SIRT2: variants seen among roughly 807,000 people sequenced by gnomAD.
SIRT2 encodes NAD-dependent protein deacetylase sirtuin-2.
A neutral mutation model predicts 57.4 loss-of-function variants in SIRT2; 40 were observed. The ratio of observed to expected loss-of-function variants is 0.70; its 90% CI spans 0.54 to 0.91. The LOEUF is 0.91. Among genes scored for constraint, SIRT2 ranks in the 40% least tolerant of loss-of-function variants. The pLI is 0.00. For missense variants in SIRT2, 439 were observed against 510.4 expected (o/e 0.86, Z 1.35); for synonymous variants, 161 against 195.7 (o/e 0.82, Z 1.48).
chr19:38,890,196 G>A (rs761988987), intron 4 of SIRT2, 52 bp from the exon 5 acceptor site: 3 of 1,584,784 alleles, frequency 1.9e-6, no homozygotes, highest in South Asian at 1.1e-5. Context: ...CAGTCCCTAC[G>A]ATAGCACCAC....
intron 8 of SIRT2, among the ~76,000 whole-genome samples, chr19:38,884,965 G>A (rs1483846495): frequency 6.6e-6 from 1 of 152,080 alleles, no homozygotes; most frequent in Non-Finnish European, 1.5e-5. Flanking sequence ...CTCCCAATGT[G>A]CTGGGATTAC....
At position 38,879,509 on chromosome 19, in the gene SIRT2, C is replaced by T; in HGVS notation, c.948-9G>A. 1 of 1,601,558 alleles carries T rather than the reference C, an allele frequency of 6.2e-7. No homozygotes were observed. The highest frequency in any genetic ancestry group is 8.5e-7 in the Non-Finnish European group (1 of 1,173,996). Reference sequence around the variant, plus strand: ...CCAGCCAGGCCACGTCCCTGCGGTGCAGCAGGAGATCAGAGTTCCCAGGCG... The same window carrying T: ...CCAGCCAGGCCACGTCCCTGCGGTGTAGCAGGAGATCAGAGTTCCCAGGCG... On this transcript the variant is annotated splice_polypyrimidine_tract_variant and intron_variant, in intron 14 of 15. Transcript: ENST00000249396.
chr19:38,881,255 G>T, intron 10 of SIRT2, 100 bp from the exon 11 acceptor site: 7 of 1,281,900 alleles, frequency 5.5e-6, no homozygotes, highest in South Asian at 1.3e-5. Context: ...TGGGAGTTGG[G>T]AGCAGTGGGG....
At chr19:38,888,965 C>A in intron 8 of SIRT2, 122 bp downstream of exon 8, 1 of 836,896 alleles carries the variant, frequency 1.2e-6, no homozygotes, top group East Asian at 2.5e-5. Context: ...AGGCCAAGCC[C>A]TGGCCCCGCA....
rs888145944 is a variant in SIRT2, at chr19:38,879,173, C to T, written c.1152G>A (p.Glu384=). 5 of 1,576,298 alleles carry T rather than the reference C, an allele frequency of 3.2e-6. No individual in the cohort carries two copies. The highest frequency in any genetic ancestry group is 4.3e-6 in the Non-Finnish European group (5 of 1,168,146). ...GCAGCTGTCACTGGGGTTTCTCCCT[C>T]TCTGTTGTCCTGGCCTCGTCCTTGG... ...PPAKDEARTT[E]REKPQ The change falls in exon 16 of 16, where the codon GAG becomes GAA. Residue 384 remains glutamate (E), a synonymous_variant. Transcript: ENST00000249396.
chr19:38,879,986 C>T (rs1045611914), intron 13 of SIRT2: 3 of 408,960 alleles, frequency 7.3e-6, no homozygotes, highest in Admixed American at 3.9e-5. Flanking sequence ...GCACCATGCC[C>T]GGCTAATTTT....
intron 8 of SIRT2, 141 bp downstream of exon 8, chr19:38,888,946 G>T (rs1973429382): frequency 2.9e-6 from 2 of 696,700 alleles, no homozygotes; most frequent in South Asian, 3.4e-5. Context: ...CATGCAGCAA[G>T]GAGGCAGTAG....
chr19:38,881,051 C>T (rs753566297), intron 11 of SIRT2, 49 bp downstream of exon 11: 10 of 1,594,532 alleles, frequency 6.3e-6, no homozygotes, highest in Non-Finnish European at 7.7e-6. Flanking sequence ...GGGCCCAGCA[C>T]AGGTGGAGGC....
At chr19:38,884,941 C>T (rs527439413) in intron 8 of SIRT2, among the ~76,000 whole-genome samples, 1 of 150,804 alleles carries the variant, frequency 6.6e-6, no homozygotes, top group Non-Finnish European at 1.5e-5. Context: ...GGTCAGCGAG[C>T]CTTCTGCCTC....
chr19:38,899,080 G>A (rs1568409676), intron 1 of SIRT2, among the ~76,000 whole-genome samples: 2 of 152,084 alleles, frequency 1.3e-5, no homozygotes, highest in Non-Finnish European at 2.9e-5. Flanking sequence ...GGTTTAGGAG[G>A]GAGGTGCAGT....
rs554892114 is a variant in SIRT2, at chr19:38,879,375, G to A, written c.1014+59C>T. Reference sequence around the variant, plus strand: ...CATCATGGGGTCAGAGGACCCATGGGGTGGGGAGAGGGTCCAGGGATGGGG... The same window carrying A: ...CATCATGGGGTCAGAGGACCCATGGAGTGGGGAGAGGGTCCAGGGATGGGG... On this transcript the variant is annotated intron_variant, in intron 15 of 15. Coordinates refer to ENST00000249396, the MANE Select transcript of SIRT2 (RefSeq NM_012237.4). 5.0e-6 allele frequency: 8 copies of A among 1,599,108 alleles called. No homozygotes were observed. The African/African-American group carries it at 6.7e-5, about 13-fold the overall frequency.
intron 9 of SIRT2, among the ~76,000 whole-genome samples, chr19:38,883,233 A>G (rs1005062984): frequency 3.0e-4 from 45 of 151,322 alleles, no homozygotes; most frequent in Non-Finnish European, 5.6e-4. Context: ...GGCGCATGCC[A>G]CCACACCAGG....
chr19:38,879,937 C>A, intron 13 of SIRT2: 1 of 529,074 alleles, frequency 1.9e-6, no homozygotes, highest in East Asian at 3.2e-5. Context: ...GTGATTCTCC[C>A]GCCTCAACCT....
intron 8 of SIRT2, among the ~76,000 whole-genome samples, chr19:38,886,902 G>A (rs1204550362): frequency 6.6e-6 from 1 of 151,862 alleles, no homozygotes; most frequent in Non-Finnish European, 1.5e-5. Context: ...GAGCCACCGC[G>A]CCTGGCCTTT....
chr19:38,883,796 C>A (rs368176723), intron 8 of SIRT2, 40 bp from the exon 9 acceptor site: 3 of 1,607,358 alleles, frequency 1.9e-6, no homozygotes, highest in African/African-American at 2.7e-5. Flanking sequence ...GAGGAGTGAG[C>A]CACCCCTTGT....
intron 9 of SIRT2, among the ~76,000 whole-genome samples, chr19:38,882,499 G>T (rs1045960850): frequency 6.6e-6 from 1 of 152,096 alleles, no homozygotes; most frequent in Non-Finnish European, 1.5e-5. Context: ...GCCAGGGGTT[G>T]TAGCACGTGC....
intron 2 of SIRT2, among the ~76,000 whole-genome samples, chr19:38,895,563 T>C (rs995825443): frequency 6.6e-6 from 1 of 152,222 alleles, no homozygotes; most frequent in Non-Finnish European, 1.5e-5. Context: ...CCCCGGATAC[T>C]CACTGCTCTG....
intron 4 of SIRT2, among the ~76,000 whole-genome samples, chr19:38,891,163 C>T (rs1053345051): frequency 3.9e-5 from 6 of 152,218 alleles, no homozygotes; most frequent in Admixed American, 3.9e-4. Context: ...AATGATCTTA[C>T]AGGTATAATG....
Position 38,881,334 on chromosome 19 carries a change from G to A in SIRT2, c.691+98C>T, listed in dbSNP as rs1053894309. 2.5e-5 allele frequency: 31 copies of A among 1,233,540 alleles called. No individual in the cohort carries two copies. The Admixed American group carries it at 5.5e-4, about 22-fold the overall frequency. The allele number at this position is 1,233,540 out of a possible 1,614,324, so 76.4% of individuals were successfully genotyped here. On this transcript the variant is annotated intron_variant, in intron 10 of 15. Coordinates refer to ENST00000249396, the MANE Select transcript of SIRT2 (RefSeq NM_012237.4). ...GGGCACTGTTCAGAGAGACAGAGGT[G>A]GCCAGATGTGTGCGGGTGTGGCCTT...
Sources: allele counts gnomAD v4.1 joint callset (sites outside exome capture counted in the v4.1 genomes callset), GRCh38; gene constraint gnomAD v4.1.1; transcripts MANE v1.5; gene names NCBI Gene and HGNC (gene_info 2026-07-23, HGNC 2026-07-21).